SMARCC1: variants seen among roughly 807,000 people sequenced by gnomAD.
SMARCC1 encodes the protein SWI/SNF related BAF chromatin remodeling complex subunit C1, also known as SWI/SNF complex subunit SMARCC1.
A neutral mutation model predicts 147.4 loss-of-function variants in SMARCC1; 43 were observed. That is an observed-to-expected ratio of 0.29 (90% CI 0.23 to 0.38). The LOEUF (loss-of-function observed/expected upper bound fraction) is 0.38, where lower values mean the gene tolerates loss of function less well. Among genes scored for constraint, SMARCC1 ranks in the 10% least tolerant of loss-of-function variants. The probability of loss-of-function intolerance (pLI) is 1.00; values close to 1 mark genes in which losing one functional copy is unlikely to be tolerated. For missense variants in SMARCC1, 1,119 were observed against 1,381.1 expected (o/e 0.81, Z 3.01); for synonymous variants, 495 against 484.4 (o/e 1.02, Z -0.29).
At chr3:47,623,921 G>C (rs908360046) in intron 24 of SMARCC1, among the ~76,000 whole-genome samples, 1 of 151,290 alleles carries the variant, frequency 6.6e-6, no homozygotes, top group African/African-American at 2.4e-5. Context: ...GAACTTGGTG[G>C]GGGGAGCGGT....
At chr3:47,623,503 A>G (rs2032765430) in intron 24 of SMARCC1, among the ~76,000 whole-genome samples, 1 of 152,140 alleles carries the variant, frequency 6.6e-6, no homozygotes, top group Non-Finnish European at 1.5e-5. Flanking sequence ...AAATATGGAG[A>G]CCCATTTGCA....
At chr3:47,738,735 A>G (rs1007002649) in intron 3 of SMARCC1, among the ~76,000 whole-genome samples, 1 of 152,160 alleles carries the variant, frequency 6.6e-6, no homozygotes, top group Non-Finnish European at 1.5e-5. Context: ...GTTCTCTTAG[A>G]TAAAGGAAAG....
At chr3:47,765,159 G>A (rs11709289) in intron 2 of SMARCC1, among the ~76,000 whole-genome samples, 26,087 of 152,114 alleles carry the variant, frequency 0.17, 2,774 homozygotes, top group South Asian at 0.25. Context: ...GCTGAAGCAA[G>A]AGAACCGCTT....
chr3:47,755,673 A>G (rs552784358), intron 2 of SMARCC1, among the ~76,000 whole-genome samples: 5 of 151,508 alleles, frequency 3.3e-5, no homozygotes. Flanking sequence ...CCTAGCCAAC[A>G]TGGTTAAACT....
At chr3:47,643,343 C>G (rs2033073687) in intron 21 of SMARCC1, among the ~76,000 whole-genome samples, 1 of 152,102 alleles carries the variant, frequency 6.6e-6, no homozygotes, top group Admixed American at 6.6e-5. Context: ...ACATGCAAGA[C>G]AGTACATGCA....
chr3:47,638,153 C>T lies in SMARCC1; in HGVS notation c.2376+572G>A, dbSNP rs532266425. Among the ~76,000 whole-genome samples, 12 of 152,264 alleles carry T rather than the reference C, an allele frequency of 7.9e-5. No homozygotes were observed. The South Asian group carries it at 1.2e-3, about 16-fold the overall frequency. The stretch of plus-strand genomic sequence containing the variant: ...TCGCCCAGGATGGAGTGCAGTGGCG[C>T]GATCTCGGCTCACTGCAAGCTCTGT... On this transcript the variant is annotated intron_variant, in intron 22 of 27. Coordinates refer to ENST00000254480, the MANE Select transcript of SMARCC1 (RefSeq NM_003074.4).
At chr3:47,700,446 C>T (rs1470803801) in intron 11 of SMARCC1, among the ~76,000 whole-genome samples, 3 of 152,150 alleles carry the variant, frequency 2.0e-5, no homozygotes, top group Non-Finnish European at 4.4e-5. Flanking sequence ...ATCACTGGCT[C>T]ACTGAGGACA....
rs1553685131 is a variant in SMARCC1 at position 47,702,246 on chromosome 3, A to AAC, written c.1041-845_1041-844insGT. On this transcript the variant is annotated intron_variant, in intron 10 of 27. Coordinates refer to ENST00000254480, the MANE Select transcript of SMARCC1 (RefSeq NM_003074.4). ...CAGGGGGCTCAAAAAAAAAAAAAAA[A>AAC]CCCCAGTGATGATTCTTTACCTTTA... 3.7e-4 allele frequency among the ~76,000 whole-genome samples: 56 copies of AAC among 150,774 alleles called. 1 individual carries two copies. Among genetic ancestry groups the AAC allele is most frequent in the South Asian group, 1.0e-3 (5 of 4,762 alleles).
At chr3:47,690,121 TG>T (rs1426361005) in intron 12 of SMARCC1, among the ~76,000 whole-genome samples, 1 of 152,042 alleles carries the variant, frequency 6.6e-6, no homozygotes, top group Non-Finnish European at 1.5e-5. Flanking sequence ...CTCTGGAGAC[TG>T]AAGTGGGAGA....
intron 12 of SMARCC1, among the ~76,000 whole-genome samples, 168 bp from the exon 13 acceptor site, chr3:47,689,592 G>A (rs1331489847): frequency 6.6e-6 from 1 of 152,164 alleles, no homozygotes; most frequent in East Asian, 1.9e-4. Context: ...ATTCTACACA[G>A]AAGCACAGAG....
intron 25 of SMARCC1, among the ~76,000 whole-genome samples, chr3:47,613,964 T>C (rs2032602439): frequency 7.7e-6 from 1 of 129,282 alleles, no homozygotes; most frequent in Non-Finnish European, 1.6e-5. Flanking sequence ...TCCCTTCTAT[T>C]TGCATAAAGC....
At chr3:47,686,007 A>G in intron 14 of SMARCC1, 42 bp downstream of exon 14, 1 of 1,582,318 alleles carries the variant, frequency 6.3e-7, no homozygotes, top group Non-Finnish European at 8.6e-7. Context: ...AAGTTCTTGT[A>G]CTGCTCAGTA....
intron 9 of SMARCC1, among the ~76,000 whole-genome samples, chr3:47,708,044 C>CT (rs1268720063): frequency 4.3e-5 from 6 of 140,960 alleles, no homozygotes; most frequent in African/African-American, 1.3e-4. Context: ...GGATATACAC[C>CT]TTTGAATGAT....
intron 21 of SMARCC1, among the ~76,000 whole-genome samples, chr3:47,658,331 T>C (rs1244273796): frequency 3.9e-5 from 6 of 152,186 alleles, no homozygotes; most frequent in African/African-American, 1.4e-4. Context: ...TACAAGTCAA[T>C]TAAATTAAGT....
chr3:47,757,896 C>T lies in SMARCC1; in HGVS notation c.316-11903G>A, dbSNP rs551208293. On this transcript the variant is annotated intron_variant, in intron 2 of 27. Coordinates refer to ENST00000254480, the MANE Select transcript of SMARCC1 (RefSeq NM_003074.4). The stretch of plus-strand genomic sequence containing the variant: ...GTGGAAACCTGTTTAGCAACATCTA[C>T]TAAAGTTGACCAACCTATGACATAG... Among the ~76,000 whole-genome samples, 3 of 151,916 alleles carry T rather than the reference C, an allele frequency of 2.0e-5. No homozygotes were observed. The South Asian group carries it at 6.2e-4, about 32-fold the overall frequency.
chr3:47,612,167 T>C (rs2032573533), intron 25 of SMARCC1, among the ~76,000 whole-genome samples: 1 of 152,174 alleles, frequency 6.6e-6, no homozygotes, highest in African/African-American at 2.4e-5. Flanking sequence ...GGAAGTCCAG[T>C]TCTGCAGGAA....
chr3:47,623,275 C>T (rs755188949), intron 24 of SMARCC1, among the ~76,000 whole-genome samples: 1 of 151,236 alleles, frequency 6.6e-6, no homozygotes, highest in Non-Finnish European at 1.5e-5. Flanking sequence ...TGACAAGCCA[C>T]AGCTGTGTGT....
At chr3:47,679,912 C>A (rs1415620952) in intron 15 of SMARCC1, among the ~76,000 whole-genome samples, 2 of 148,460 alleles carry the variant, frequency 1.3e-5, no homozygotes, top group East Asian at 3.9e-4. Context: ...TGAGGATAGA[C>A]CTGAATTCAT....
At chr3:47,730,866 CAAA>C (rs59650729) in intron 5 of SMARCC1, among the ~76,000 whole-genome samples, 2 of 92,918 alleles carry the variant, frequency 2.2e-5, no homozygotes, top group Admixed American at 1.2e-4. Context: ...AATGCCATCT[CAAA>C]AAAAAAAAAA....
Sources: allele counts gnomAD v4.1 joint callset (sites outside exome capture counted in the v4.1 genomes callset), GRCh38; gene constraint gnomAD v4.1.1; transcripts MANE v1.5; gene names NCBI Gene and HGNC (gene_info 2026-07-23, HGNC 2026-07-21).